Variants in SFTPD observed in about 807,000 individuals in gnomAD.
SFTPD encodes the protein pulmonary surfactant-associated protein D.
In SFTPD, 18 loss-of-function variants were observed where a neutral mutation model predicts 34.6. The ratio of observed to expected loss-of-function variants is 0.52; its 90% CI spans 0.36 to 0.77. SFTPD has a LOEUF of 0.77. Ranked by LOEUF, SFTPD falls within the 30% of genes least tolerant of loss-of-function variation. The pLI, the probability that SFTPD is intolerant of heterozygous loss-of-function variation, is 0.00. For missense variants in SFTPD, 433 were observed against 468.9 expected (o/e 0.92, Z 0.71); for synonymous variants, 155 against 180.9 (o/e 0.86, Z 1.15).
Position 79,942,821 on chromosome 10 carries a change from G to T in SFTPD, c.258C>A (p.Pro86=), listed in dbSNP as rs3135520. The T allele has an allele frequency of 1.9e-6, 3 of 1,614,048 alleles. No individual in the cohort carries two copies. Among genetic ancestry groups the T allele is most frequent in the Non-Finnish European group, 2.5e-6 (3 of 1,179,924 alleles). Residue 86 remains proline (P), a synonymous_variant, in exon 3 of 8, where the codon CCC becomes CCA. Transcript: ENST00000372292. The stretch of plus-strand genomic sequence containing the variant: ...CTCCAACAGAGCCATTGTCCCCTTT[G>T]GGCCCAACTGGGCCAGCTTGTCCAG... ...GMPGQAGPVG[P]KGDNGSVGEP...
chr10:79,957,922 G>A (rs1842749439), intron 1 of SFTPD, among the ~76,000 whole-genome samples: 2 of 152,222 alleles, frequency 1.3e-5, no homozygotes, highest in South Asian at 2.1e-4. Flanking sequence ...TACCCACAAC[G>A]GGAAGCCCAT....
chr10:79,960,331 A>G (rs1842764821), intron 1 of SFTPD, among the ~76,000 whole-genome samples: 2 of 150,636 alleles, frequency 1.3e-5, no homozygotes, highest in African/African-American at 2.5e-5. Flanking sequence ...AGGGTATTCA[A>G]TTAGGAAAAG....
At chr10:79,958,322 G>T (rs1418215984) in intron 1 of SFTPD, among the ~76,000 whole-genome samples, 2 of 152,130 alleles carry the variant, frequency 1.3e-5, no homozygotes, top group Non-Finnish European at 2.9e-5. Flanking sequence ...AACATAAGTG[G>T]GCTAAATGCT....
chr10:79,978,966 C>G lies in SFTPD; in HGVS notation c.36+3609G>C, dbSNP rs1362588742. On this transcript the variant is annotated intron_variant, in intron 1 of 5. Coordinates refer to the SFTPD transcript ENST00000444384. ...TTATATTTAAACCCTAAAGACTCCA[C>G]CAAAAAACTGTTAGAATAAATAAAT... Among the ~76,000 whole-genome samples the G allele has an allele frequency of 6.6e-5, 10 of 152,120 alleles. No homozygotes were observed. In the East Asian group the frequency reaches 1.9e-3, roughly 29 times the overall value.
chr10:79,946,786 C>T, intron 1 of SFTPD, 124 bp from the exon 2 acceptor site: 2 of 841,114 alleles, frequency 2.4e-6, no homozygotes, highest in Non-Finnish European at 3.7e-6. Context: ...TGCTATGGGG[C>T]CTAGAGCAGC....
At chr10:79,956,838 C>T (rs367811385) in intron 1 of SFTPD, among the ~76,000 whole-genome samples, 17 of 152,318 alleles carry the variant, frequency 1.1e-4, no homozygotes, top group South Asian at 4.1e-4. Flanking sequence ...GATCTGAGAA[C>T]GGGCAGACTG....
upstream of SFTPD, among the ~76,000 whole-genome samples, chr10:79,954,004 GT>G (rs71034262): frequency 0.24 from 34,475 of 144,894 alleles, 4,558 homozygotes; most frequent in East Asian, 0.57. Context: ...ATTTTTGTGG[GT>G]TTTTTTTTTT....
chr10:79,981,958 C>T, intron 1 of SFTPD: 2 of 320,772 alleles, frequency 6.2e-6, no homozygotes, highest in Non-Finnish European at 1.2e-5. Context: ...CTCCTCGTCT[C>T]CTTGTCTCCC....
In SFTPD at chr10:79,942,412, G is replaced by T. The variant is rs779874748; in HGVS notation, c.409C>A (p.Pro137Thr). The change falls in exon 4 of 8, where the codon CCA becomes ACA. Residue 137 changes from proline to threonine, a missense_variant. Physicochemically the swap from Pro to Thr is conservative, Grantham distance 38. Coordinates refer to ENST00000372292, the MANE Select transcript of SFTPD (RefSeq NM_003019.5). ...CCTTTGGGCCCAGCTTCTCCTTTTG[G>T]GCCTGGCTTGCCCTGAGGTCCTATG... ...GNIGPQGKPG[P>T]KGEAGPKGEV... 2 of 1,612,302 alleles carry T rather than the reference G, an allele frequency of 1.2e-6. No homozygotes were observed. The highest frequency in any genetic ancestry group is 3.3e-5 in the Admixed American group (2 of 59,972).
chr10:79,959,573 C>A (rs1303579229), intron 1 of SFTPD, among the ~76,000 whole-genome samples: 1 of 152,190 alleles, frequency 6.6e-6, no homozygotes, highest in Non-Finnish European at 1.5e-5. Context: ...TCAACACATA[C>A]ACCCTCCCAA....
Position 79,948,774 on chromosome 10 carries a change from A to C in SFTPD, c.-4+292T>G, listed in dbSNP as rs575528854. 6.8e-4 allele frequency among the ~76,000 whole-genome samples: 103 copies of C among 152,206 alleles called. 1 individual carries two copies. The highest frequency in any genetic ancestry group is 2.2e-3 in the African/African-American group (93 of 41,512). ...AGATAAATTAGCATTGCATTTTTCC[A>C]CCTGAAGCTTCCACACTGTGGCATC... On this transcript the variant is annotated intron_variant, in intron 1 of 7. Coordinates refer to ENST00000372292, the MANE Select transcript of SFTPD (RefSeq NM_003019.5).
Position 79,965,569 on chromosome 10 carries a change from TTTTTTA to T in SFTPD, c.36+17000_36+17005del, listed in dbSNP as rs1842799299. On this transcript the variant is annotated intron_variant, in intron 1 of 5. Transcript: ENST00000444384. ...TTTTTTTTTAATTTTTTATTTTTTA[TTTTTTA>T]TTTTTAATGTTTTTTTTTTATTATA... Among the ~76,000 whole-genome samples the T allele has an allele frequency of 1.1e-4, 10 of 90,476 alleles. 1 individual carries two copies. The Admixed American group carries it at 1.4e-3, about 13-fold the overall frequency. 59.4% of individuals were successfully genotyped at this position (90,476 alleles called of 152,430 possible).
intron 1 of SFTPD, among the ~76,000 whole-genome samples, chr10:79,957,818 C>T (rs1438758831): frequency 1.3e-5 from 2 of 152,016 alleles, no homozygotes; most frequent in African/African-American, 2.4e-5. Context: ...AGATACTCCT[C>T]GAGAAGAGCA....
At chr10:79,968,829 G>A (rs374200322) in intron 1 of SFTPD, 20 of 152,122 alleles carry the variant, frequency 1.3e-4, no homozygotes, top group African/African-American at 3.6e-4. Context: ...CAGCCTTCCC[G>A]ACATCATATT....
At chr10:79,941,293 A>T in intron 6 of SFTPD, 105 bp downstream of exon 6, 1 of 949,596 alleles carries the variant, frequency 1.1e-6, no homozygotes, top group Non-Finnish European at 1.7e-6. Context: ...AGCTGCCATT[A>T]ATGGGGCACA....
At chr10:79,980,747 C>G (rs1355572625) in intron 1 of SFTPD, among the ~76,000 whole-genome samples, 1 of 152,260 alleles carries the variant, frequency 6.6e-6, no homozygotes, top group Non-Finnish European at 1.5e-5. Flanking sequence ...CTGCAAGAGT[C>G]ACAGCATTAC....
At chr10:79,945,479 T>G (rs973782107) in intron 2 of SFTPD, among the ~76,000 whole-genome samples, 1 of 152,330 alleles carries the variant, frequency 6.6e-6, no homozygotes, top group South Asian at 2.1e-4. Flanking sequence ...TTTGAAGCCC[T>G]GCCCAATGTC....
upstream of SFTPD, among the ~76,000 whole-genome samples, chr10:79,951,938 C>A (rs1021246038): frequency 1.3e-5 from 2 of 152,200 alleles, no homozygotes; most frequent in Non-Finnish European, 2.9e-5. Context: ...ATGTCTCCAC[C>A]AGAGTGGGAA....
At chr10:79,951,993 A>G (rs777604408), upstream of SFTPD, among the ~76,000 whole-genome samples, 1 of 152,194 alleles carries the variant, frequency 6.6e-6, no homozygotes, top group Non-Finnish European at 1.5e-5. Flanking sequence ...AAGGCAATCC[A>G]CTTTCCTAAA....
Sources: allele counts gnomAD v4.1 joint callset (sites outside exome capture counted in the v4.1 genomes callset), GRCh38; gene constraint gnomAD v4.1.1; transcripts MANE v1.5; gene names NCBI Gene and HGNC (gene_info 2026-07-23, HGNC 2026-07-21).